The following NRG2 variants were observed in gnomAD, a reference collection of about 807,000 sequenced individuals.
The protein encoded by NRG2 is pro-neuregulin-2, membrane-bound isoform.
Under a neutral mutation model 73.9 loss-of-function variants are expected in NRG2, and 27 were observed. That is an observed-to-expected ratio of 0.37 (90% CI 0.27 to 0.50). NRG2 has a LOEUF of 0.50. Ranked by LOEUF, NRG2 falls within the 20% of genes least tolerant of loss-of-function variation. The pLI is 0.96. For missense variants in NRG2, 1,126 were observed against 1,210.1 expected (o/e 0.93, Z 1.03); for synonymous variants, 532 against 541.0 (o/e 0.98, Z 0.23).
intron 1 of NRG2, among the ~76,000 whole-genome samples, chr5:140,029,180 GGTGTTTTGCC>G (rs933777347): frequency 3.3e-5 from 5 of 152,254 alleles, no homozygotes; most frequent in South Asian, 2.1e-4. Context: ...TCCATTTTGG[GGTGTTTTGCC>G]ATACCACAAT....
At chr5:139,959,303 G>A (rs1176536706) in intron 1 of NRG2, among the ~76,000 whole-genome samples, 2 of 152,208 alleles carry the variant, frequency 1.3e-5, no homozygotes, top group East Asian at 1.9e-4. Flanking sequence ...AGTCTCAAGC[G>A]ATTCTCCTGC....
chr5:139,938,362 C>CTTT (rs35461631), intron 1 of NRG2, among the ~76,000 whole-genome samples: 1 of 146,562 alleles, frequency 6.8e-6, no homozygotes, highest in African/African-American at 2.5e-5. Context: ...GATTTCAATA[C>CTTT]TTTTTTTTTT....
chr5:139,958,100 A>T (rs1309579188), intron 1 of NRG2, among the ~76,000 whole-genome samples: 1 of 152,118 alleles, frequency 6.6e-6, no homozygotes, highest in Non-Finnish European at 1.5e-5. Context: ...TCACAAGCCC[A>T]TTCAATTCAT....
At chr5:139,939,082 A>G (rs1049334941) in intron 1 of NRG2, among the ~76,000 whole-genome samples, 5 of 151,948 alleles carry the variant, frequency 3.3e-5, no homozygotes, top group African/African-American at 1.2e-4. Flanking sequence ...CTTGACCCTT[A>G]GATCACACCA....
chr5:139,988,276 T>A (rs1757327222), intron 1 of NRG2, among the ~76,000 whole-genome samples: 1 of 152,066 alleles, frequency 6.6e-6, no homozygotes, highest in South Asian at 2.1e-4. Context: ...TCTTACCATA[T>A]AATCCAGCAA....
intron 1 of NRG2, among the ~76,000 whole-genome samples, chr5:140,041,322 C>G (rs1761898528): frequency 6.6e-6 from 1 of 152,188 alleles, no homozygotes; most frequent in African/African-American, 2.4e-5. Flanking sequence ...AAGCACGAGA[C>G]AGGCTTACAC....
intron 3 of NRG2, among the ~76,000 whole-genome samples, chr5:139,880,078 T>C (rs984379391): frequency 2.6e-5 from 4 of 151,978 alleles, no homozygotes; most frequent in African/African-American, 9.7e-5. Flanking sequence ...CCCCAATAAA[T>C]AGGTAGCCAC....
At chr5:139,977,702 G>A (rs1190093310) in intron 1 of NRG2, among the ~76,000 whole-genome samples, 1 of 151,436 alleles carries the variant, frequency 6.6e-6, no homozygotes, top group Non-Finnish European at 1.5e-5. Context: ...GATACTACAA[G>A]GCTACAGTAA....
At chr5:139,897,842 G>C (rs905178662) in intron 1 of NRG2, among the ~76,000 whole-genome samples, 1 of 152,146 alleles carries the variant, frequency 6.6e-6, no homozygotes, top group Admixed American at 6.5e-5. Context: ...TAATGAAGTC[G>C]GGGCCCTGAC....
Position 139,847,495 on chromosome 5 carries a change from GCCC to G in NRG2, c.*419_*421del, listed in dbSNP as rs1228695059. On this transcript the variant is annotated 3_prime_UTR_variant, in exon 10 of 10. Transcript: ENST00000361474. ...CAACCCCCCACCGCCCCCCACCCTC[GCCC>G]CCAACAGAACCCGCACCTCTTCTCT... 2.0e-3 allele frequency: 88 copies of G among 44,160 alleles called. No homozygotes were observed. The highest frequency in any genetic ancestry group is 6.7e-3 in the African/African-American group (78 of 11,658). 2.7% of individuals were successfully genotyped at this position (44,160 alleles called of 1,614,324 possible). A position where few individuals can be genotyped will look rare whatever the true frequency, so the allele number is the denominator to read the frequency against.
chr5:139,871,221 G>A (rs987028058), intron 4 of NRG2: 3 of 160,320 alleles, frequency 1.9e-5, no homozygotes, highest in Admixed American at 1.7e-4. Context: ...CTCCCCTCAA[G>A]ACTACAGGAG....
chr5:139,905,467 C>A (rs1386187703), intron 1 of NRG2, among the ~76,000 whole-genome samples: 1 of 152,212 alleles, frequency 6.6e-6, no homozygotes, highest in Non-Finnish European at 1.5e-5. Flanking sequence ...GGTCCGAAGG[C>A]CTCTCTGGAC....
At chr5:139,859,841 G>A (rs776692681) in intron 5 of NRG2, 1 of 1,597,978 alleles carries the variant, frequency 6.3e-7, no homozygotes, top group Non-Finnish European at 8.6e-7. Flanking sequence ...GGAGGCTGTG[G>A]AGAGGGGCCA....
chr5:139,996,786 A>G (rs1467604990), intron 1 of NRG2, among the ~76,000 whole-genome samples: 1 of 152,168 alleles, frequency 6.6e-6, no homozygotes, highest in Non-Finnish European at 1.5e-5. Context: ...TAGTCCCAAA[A>G]TGATGGCACA....
chr5:140,014,084 A>G (rs1561752881), intron 1 of NRG2, among the ~76,000 whole-genome samples: 3 of 151,938 alleles, frequency 2.0e-5, no homozygotes, highest in Non-Finnish European at 2.9e-5. Context: ...TTCCATATTT[A>G]TACCTCCAGC....
rs1466197743 is a variant in NRG2 at position 139,852,926 on chromosome 5, G to A, written c.1394C>T (p.Pro465Leu). 1 of 1,612,840 alleles carries A rather than the reference G, an allele frequency of 6.2e-7. No individual in the cohort carries two copies. The highest frequency in any genetic ancestry group is 1.3e-5 in the African/African-American group (1 of 74,962). The change falls in exon 7 of 10, where the codon CCA becomes CTA. Residue 465 changes from proline to leucine, a missense_variant. Physicochemically the swap from Pro to Leu is moderately conservative, Grantham distance 98. Transcript: ENST00000361474. The surrounding 1 kb of genome is among the most constrained non-coding windows in gnomAD (Gnocchi z 4.4). Reference sequence around the variant, plus strand: ...CACATCTGCCATCTGGATCTCCTCTGGGTCCAGCCGGGGGTGGCTGGGCCC... The same window carrying A: ...CACATCTGCCATCTGGATCTCCTCTAGGTCCAGCCGGGGGTGGCTGGGCCC... ...ANGPSHPRLD[P>L]EEIQMADYIS...
At chr5:139,941,279 A>C (rs1753382196) in intron 1 of NRG2, among the ~76,000 whole-genome samples, 1 of 152,184 alleles carries the variant, frequency 6.6e-6, no homozygotes, top group African/African-American at 2.4e-5. Flanking sequence ...CAAGACAAAC[A>C]CAAAAATTTT....
chr5:139,964,358 ACACAC>A (rs1755322312), intron 1 of NRG2, among the ~76,000 whole-genome samples: 1 of 55,410 alleles, frequency 1.8e-5, no homozygotes, highest in East Asian at 3.6e-4. Flanking sequence ...AAATACAGAT[ACACAC>A]ACACACACAC....
chr5:139,871,637 C>T (rs1581822474), intron 4 of NRG2, 84 bp downstream of exon 4: 1 of 1,559,092 alleles, frequency 6.4e-7, no homozygotes, highest in East Asian at 2.3e-5. Context: ...GGCTTGGAAC[C>T]CTCTTTTCCT....
Sources: gnomAD v4.1 joint callset for allele counts (sites outside exome capture counted in the v4.1 genomes callset) on GRCh38, gnomAD v4.1.1 for gene constraint, Gnocchi (gnomAD v3.1) non-coding constraint, MANE v1.5 for transcripts, NCBI Gene and HGNC (gene_info 2026-07-23, HGNC 2026-07-21) for gene names.